Variants in CIMAP2 observed in about 807,000 individuals in gnomAD.
CIMAP2 encodes ciliary microtubule associated protein 2.
At chr1:54,809,089 A>C in the CIMAP2 span, among the ~76,000 whole-genome samples, 1 of 79,576 alleles carries the variant, frequency 1.3e-5, no homozygotes, top group African/African-American at 4.3e-5. Flanking sequence ...GGCACGCAAT[A>C]AGTATTTGTG....
chr1:54,815,597 G>A, the CIMAP2 span, among the ~76,000 whole-genome samples: 1 of 152,106 alleles, frequency 6.6e-6, no homozygotes, highest in African/African-American at 2.4e-5. Flanking sequence ...CCCCAAGTGT[G>A]CGATGTATCT....
the CIMAP2 span, among the ~76,000 whole-genome samples, chr1:54,840,329 A>G: frequency 1.1e-4 from 16 of 152,156 alleles, no homozygotes; most frequent in African/African-American, 3.4e-4. Context: ...TTCCTTTTCA[A>G]TGCTGAGTTG....
At chr1:54,811,985 C>T in the CIMAP2 span, 1 of 1,614,090 alleles carries the variant, frequency 6.2e-7, no homozygotes, top group Non-Finnish European at 8.5e-7. Context: ...CAGGGGCACT[C>T]CCAGGGCAGA....
the CIMAP2 span, among the ~76,000 whole-genome samples, chr1:54,825,771 C>G: frequency 2.6e-5 from 4 of 151,348 alleles, no homozygotes; most frequent in South Asian, 8.4e-4. Flanking sequence ...TCGGTGGTGA[C>G]AGTAGTGGCA....
At chr1:54,807,256 G>A in the CIMAP2 span, among the ~76,000 whole-genome samples, 16 of 152,240 alleles carry the variant, frequency 1.1e-4, no homozygotes, top group Non-Finnish European at 2.2e-4. Flanking sequence ...ACGAGGGACT[G>A]CAGCACTCCC....
chr1:54,811,765 G>GCCGGGGGGGGGCCCCCCC, the CIMAP2 span: 19 of 1,301,274 alleles, frequency 1.5e-5, no homozygotes, highest in Non-Finnish European at 2.0e-5. Flanking sequence ...GGTTCTGACA[G>GCCGGGGGGGGGCCCCCCC]CCTCCATGCC....
the CIMAP2 span, chr1:54,811,892 G>A: frequency 6.2e-7 from 1 of 1,613,764 alleles, no homozygotes; most frequent in Non-Finnish European, 8.5e-7. Context: ...AGGGCCTCAT[G>A]TGCAGGATGA....
chr1:54,807,802 T>G, the CIMAP2 span: 32 of 1,513,108 alleles, frequency 2.1e-5, no homozygotes, highest in Non-Finnish European at 2.8e-5. Context: ...AGATTATCCT[T>G]TAAGGAACAC....
At chr1:54,840,914 A>G in the CIMAP2 span, among the ~76,000 whole-genome samples, 1 of 152,204 alleles carries the variant, frequency 6.6e-6, no homozygotes, top group African/African-American at 2.4e-5. Context: ...TTTTAATGGG[A>G]AGTAATTCTT....
At chr1:54,826,919 C>G in the CIMAP2 span, among the ~76,000 whole-genome samples, 1 of 152,246 alleles carries the variant, frequency 6.6e-6, no homozygotes, top group Non-Finnish European at 1.5e-5. Context: ...TGCTTCGCAC[C>G]TCTAGTCAGC....
the CIMAP2 span, among the ~76,000 whole-genome samples, chr1:54,819,982 CTCTTTCT>C: frequency 8.7e-6 from 1 of 115,158 alleles, no homozygotes; most frequent in Non-Finnish European, 1.7e-5. Context: ...TTCTTTTTCT[CTCTTTCT>C]TCTTTCTTTC....
the CIMAP2 span, among the ~76,000 whole-genome samples, chr1:54,812,530 G>T: frequency 1.3e-5 from 2 of 152,240 alleles, no homozygotes; most frequent in African/African-American, 4.8e-5. Flanking sequence ...AACCTTGATG[G>T]CAGAAGGTGG....
chr1:54,811,809 C>T, the CIMAP2 span: 62 of 1,561,020 alleles, frequency 4.0e-5, no homozygotes, highest in Non-Finnish European at 5.1e-5. Context: ...CTATCCAGGC[C>T]CTGGAAATTA....
At chr1:54,815,333 A>T in the CIMAP2 span, among the ~76,000 whole-genome samples, 15,799 of 152,302 alleles carry the variant, frequency 0.1, 953 homozygotes, top group Non-Finnish European at 0.13. Flanking sequence ...AATTTGCATT[A>T]CCAACAAGTT....
At chr1:54,841,918 G>A in the CIMAP2 span, 5 of 1,526,630 alleles carry the variant, frequency 3.3e-6, no homozygotes, top group Non-Finnish European at 4.4e-6. Flanking sequence ...GAGCCCAAAG[G>A]CCTGAAGACA....
the CIMAP2 span, chr1:54,814,855 G>A: frequency 6.2e-7 from 1 of 1,609,410 alleles, no homozygotes; most frequent in Non-Finnish European, 8.5e-7. Context: ...ACCTGCCCTG[G>A]GCCCAGGCTG....
the CIMAP2 span, among the ~76,000 whole-genome samples, chr1:54,839,892 G>C: frequency 6.6e-6 from 1 of 152,058 alleles, no homozygotes; most frequent in Non-Finnish European, 1.5e-5. Context: ...TGGGACTACA[G>C]GTGTGCACTA....
chr1:54,829,383 C>T, the CIMAP2 span, among the ~76,000 whole-genome samples: 2 of 152,212 alleles, frequency 1.3e-5, no homozygotes, highest in Admixed American at 1.3e-4. Flanking sequence ...CAGCAGGTCC[C>T]TGTGGGTGTC....
At chr1:54,826,368 G>C in the CIMAP2 span, among the ~76,000 whole-genome samples, 2 of 152,182 alleles carry the variant, frequency 1.3e-5, no homozygotes, top group Admixed American at 6.5e-5. Flanking sequence ...TAGAATGCTA[G>C]GGACCTGGCC....
Sources: allele counts gnomAD v4.1 joint callset (sites outside exome capture counted in the v4.1 genomes callset), GRCh38; gene constraint gnomAD v4.1.1; transcripts MANE v1.5; gene names NCBI Gene and HGNC (gene_info 2026-07-23, HGNC 2026-07-21).